Variants in GABRB1 observed in about 807,000 individuals in gnomAD.
The protein encoded by GABRB1 is gamma-aminobutyric acid type A receptor subunit beta1.
Under a neutral mutation model 51.6 loss-of-function variants are expected in GABRB1, and 17 were observed. The ratio of observed to expected loss-of-function variants is 0.33; its 90% confidence interval spans 0.23 to 0.49. The LOEUF (loss-of-function observed/expected upper bound fraction) is 0.49. Among genes scored for constraint, GABRB1 ranks in the 20% least tolerant of loss-of-function variants. The pLI, the probability that GABRB1 is intolerant of heterozygous loss-of-function variation, is 0.99. For synonymous variants in GABRB1, 247 were observed against 218.9 expected (o/e 1.13, Z -1.14); for missense variants, 410 against 600.6 (o/e 0.68, Z 3.32).
intron 4 of GABRB1, among the ~76,000 whole-genome samples, chr4:47,301,984 C>A (rs542701487): frequency 1.1e-4 from 16 of 152,238 alleles, no homozygotes; most frequent in African/African-American, 3.6e-4. Context: ...AAATCTTTCA[C>A]AATTTTTTTT....
chr4:47,078,067 G>A (rs918197666), intron 3 of GABRB1, among the ~76,000 whole-genome samples: 5 of 147,122 alleles, frequency 3.4e-5, no homozygotes, highest in Admixed American at 7.0e-5. Context: ...TTGGCTCACC[G>A]CAACCTCTAC....
At chr4:47,032,095 A>T (rs1368543412) in intron 2 of GABRB1, 90 bp downstream of exon 2, 1 of 832,800 alleles carries the variant, frequency 1.2e-6, no homozygotes, top group Non-Finnish European at 1.9e-6. Context: ...AAGAAAAGGC[A>T]TGTCATTTTC....
chr4:47,420,424 T>C (rs1729056212), intron 8 of GABRB1, among the ~76,000 whole-genome samples: 1 of 152,194 alleles, frequency 6.6e-6, no homozygotes. Flanking sequence ...ACAGAAGAGT[T>C]CTTTCAACAT....
At chr4:47,063,614 G>GAC in intron 3 of GABRB1, among the ~76,000 whole-genome samples, 1 of 152,284 alleles carries the variant, frequency 6.6e-6, no homozygotes, top group South Asian at 2.1e-4. Context: ...AAGGTAGAAA[G>GAC]AGGAGTGAAA....
intron 3 of GABRB1, among the ~76,000 whole-genome samples, chr4:47,134,494 GAAAAT>G (rs1553918296): frequency 6.6e-6 from 1 of 151,934 alleles, no homozygotes; most frequent in Non-Finnish European, 1.5e-5. Flanking sequence ...TTAATGAGAG[GAAAAT>G]GATGGATGCC....
At chr4:47,049,936 T>A (rs1056840365) in intron 3 of GABRB1, among the ~76,000 whole-genome samples, 4 of 152,186 alleles carry the variant, frequency 2.6e-5, no homozygotes, top group Non-Finnish European at 5.9e-5. Context: ...TTTACTCTTT[T>A]TGGTAGTACA....
chr4:47,114,324 T>A (rs1715375105), intron 3 of GABRB1, among the ~76,000 whole-genome samples: 1 of 152,144 alleles, frequency 6.6e-6, no homozygotes, highest in African/African-American at 2.4e-5. Context: ...TGGATTCTGG[T>A]TTTGATTCAT....
intron 3 of GABRB1, among the ~76,000 whole-genome samples, chr4:47,040,126 A>G (rs1390076005): frequency 6.6e-6 from 1 of 152,230 alleles, no homozygotes; most frequent in Non-Finnish European, 1.5e-5. Context: ...CATTTTAAAA[A>G]GAGAATTTGT....
intron 4 of GABRB1, among the ~76,000 whole-genome samples, chr4:47,213,769 G>A (rs1720453077): frequency 2.0e-5 from 3 of 151,008 alleles, no homozygotes; most frequent in Admixed American, 2.0e-4. Context: ...TCTGTTTTGG[G>A]GGGCCAGTAA....
At chr4:47,394,030 G>A (rs1008481720) in intron 5 of GABRB1, among the ~76,000 whole-genome samples, 3 of 152,218 alleles carry the variant, frequency 2.0e-5, no homozygotes, top group African/African-American at 7.2e-5. Flanking sequence ...TGGATATCTA[G>A]AAAGATAAGA....
At chr4:47,036,842 G>T (rs1560505433) in intron 3 of GABRB1, among the ~76,000 whole-genome samples, 1 of 150,590 alleles carries the variant, frequency 6.6e-6, no homozygotes, top group African/African-American at 2.5e-5. Flanking sequence ...CAGCCTATGT[G>T]ATAGAGCAAA....
At chr4:47,300,937 G>A (rs1409011633) in intron 4 of GABRB1, among the ~76,000 whole-genome samples, 5 of 152,152 alleles carry the variant, frequency 3.3e-5, no homozygotes, top group Non-Finnish European at 5.9e-5. Flanking sequence ...CACCCAAAGA[G>A]TATGGAAATC....
At chr4:47,097,557 G>A (rs1714507951) in intron 3 of GABRB1, among the ~76,000 whole-genome samples, 1 of 152,038 alleles carries the variant, frequency 6.6e-6, no homozygotes, top group East Asian at 1.9e-4. Flanking sequence ...ATATTTATAT[G>A]GTTCATTATC....
At chr4:47,344,360 G>T (rs1278695973) in intron 5 of GABRB1, among the ~76,000 whole-genome samples, 1 of 152,178 alleles carries the variant, frequency 6.6e-6, no homozygotes, top group Non-Finnish European at 1.5e-5. Context: ...TTCCTAAACA[G>T]GTTTACCATA....
chr4:47,257,530 G>A (rs1224593184), intron 4 of GABRB1, among the ~76,000 whole-genome samples: 1 of 151,960 alleles, frequency 6.6e-6, no homozygotes, highest in African/African-American at 2.4e-5. Context: ...CAAGCTCCTA[G>A]AGCCTGCTGT....
chr4:47,198,084 T>G (rs1010552224), intron 4 of GABRB1, among the ~76,000 whole-genome samples: 1 of 152,156 alleles, frequency 6.6e-6, no homozygotes, highest in African/African-American at 2.4e-5. Context: ...GGCAGCAGCA[T>G]GTTCAAGGAA....
At chr4:47,252,998 A>G (rs1340125071) in intron 4 of GABRB1, among the ~76,000 whole-genome samples, 1 of 152,208 alleles carries the variant, frequency 6.6e-6, no homozygotes, top group Non-Finnish European at 1.5e-5. Context: ...ATATACATTG[A>G]CTATTGAATC....
intron 1 of GABRB1, among the ~76,000 whole-genome samples, chr4:47,014,985 C>A (rs1724702328): frequency 6.6e-6 from 1 of 152,216 alleles, no homozygotes; most frequent in Non-Finnish European, 1.5e-5. Context: ...TGGCTCACTG[C>A]AACCTCTGCC....
chr4:47,143,345 C>G (rs955738368), intron 3 of GABRB1, among the ~76,000 whole-genome samples: 1 of 151,714 alleles, frequency 6.6e-6, no homozygotes, highest in Non-Finnish European at 1.5e-5. Context: ...TTAGTGGTGG[C>G]CTTCATTTTT....
Sources: allele counts gnomAD v4.1 joint callset (sites outside exome capture counted in the v4.1 genomes callset), GRCh38; gene constraint gnomAD v4.1.1; transcripts MANE v1.5; gene names NCBI Gene and HGNC (gene_info 2026-07-23, HGNC 2026-07-21).